Variants in LUZP2 observed in about 807,000 individuals in gnomAD.
The protein encoded by LUZP2 is leucine zipper protein 2.
Under a neutral mutation model 51.6 loss-of-function variants are expected in LUZP2, and 52 were observed. The ratio of observed to expected loss-of-function variants is 1.01; its 90% confidence interval spans 0.81 to 1.27. The LOEUF (loss-of-function observed/expected upper bound fraction) is 1.27. Among genes scored for constraint, LUZP2 ranks in the 50% most tolerant of loss-of-function variants. The pLI, the probability that LUZP2 is intolerant of heterozygous loss-of-function variation, is 0.00. For missense variants in LUZP2, 436 were observed against 395.4 expected (o/e 1.10, Z -0.87); for synonymous variants, 154 against 137.3 (o/e 1.12, Z -0.85).
rs1859390612 is a variant in LUZP2, at chr11:25,078,673, T to G, written c.*15T>G. On this transcript the variant is annotated 3_prime_UTR_variant, in exon 12 of 12. Coordinates refer to ENST00000336930, the MANE Select transcript of LUZP2 (RefSeq NM_001009909.4). ...AAATACTGTAAATACTAAGAAACTG[T>G]GTTAAAAACGTCCATTTGCTATTGT... The G allele has an allele frequency of 6.4e-7, 1 of 1,562,404 alleles. No homozygotes were observed. Among genetic ancestry groups the G allele is most frequent in the African/African-American group, 1.4e-5 (1 of 73,060 alleles).
At chr11:24,657,003 A>G (rs1855829138) in intron 1 of LUZP2, among the ~76,000 whole-genome samples, 1 of 152,218 alleles carries the variant, frequency 6.6e-6, no homozygotes, top group Non-Finnish European at 1.5e-5. Flanking sequence ...GGAAACTAAG[A>G]GCTGGAGGGC....
intron 5 of LUZP2, among the ~76,000 whole-genome samples, chr11:24,816,558 A>G (rs1352348619): frequency 6.6e-6 from 1 of 151,952 alleles, no homozygotes; most frequent in Non-Finnish European, 1.5e-5. Flanking sequence ...TATAACCTTG[A>G]CCCAGTCAAA....
At chr11:24,593,942 T>C (rs958296814) in intron 1 of LUZP2, among the ~76,000 whole-genome samples, 1 of 152,170 alleles carries the variant, frequency 6.6e-6, no homozygotes, top group East Asian at 1.9e-4. Flanking sequence ...AAACCATGTA[T>C]TACTTAATCT....
chr11:24,787,647 C>T (rs1034093812), intron 5 of LUZP2, among the ~76,000 whole-genome samples: 1 of 152,196 alleles, frequency 6.6e-6, no homozygotes, highest in East Asian at 1.9e-4. Context: ...ACCTCCAACA[C>T]TCACCTCTAT....
chr11:24,816,700 A>G (rs1292655287), intron 5 of LUZP2, among the ~76,000 whole-genome samples: 1 of 152,160 alleles, frequency 6.6e-6, no homozygotes, highest in Admixed American at 6.6e-5. Flanking sequence ...CATGACAAGC[A>G]CCATGTTAAG....
At chr11:24,602,931 A>G (rs1351982052) in intron 1 of LUZP2, among the ~76,000 whole-genome samples, 1 of 151,828 alleles carries the variant, frequency 6.6e-6, no homozygotes, top group Non-Finnish European at 1.5e-5. Flanking sequence ...CAGAATAACT[A>G]TCTAGGGTAG....
At chr11:24,595,839 C>T (rs1272696501) in intron 1 of LUZP2, among the ~76,000 whole-genome samples, 2 of 135,150 alleles carry the variant, frequency 1.5e-5, no homozygotes, top group Non-Finnish European at 3.5e-5. Flanking sequence ...AAGAAGCTTA[C>T]ATTCAACATA....
chr11:24,512,334 CT>C (rs1411390327), intron 1 of LUZP2, among the ~76,000 whole-genome samples: 30 of 126,840 alleles, frequency 2.4e-4, no homozygotes, highest in Non-Finnish European at 3.5e-5. Context: ...TACTCCAAAC[CT>C]TCATTTTTTT....
chr11:24,566,900 ATGT>A (rs750196973), intron 1 of LUZP2, among the ~76,000 whole-genome samples: 141,488 of 142,260 alleles, frequency 0.99, 70,362 homozygotes, highest in East Asian at 1. Flanking sequence ...ATATTTATAT[ATGT>A]TATATATATA....
intron 1 of LUZP2, among the ~76,000 whole-genome samples, chr11:24,603,982 A>G (rs1454873359): frequency 6.6e-6 from 1 of 151,800 alleles, no homozygotes; most frequent in South Asian, 2.1e-4. Flanking sequence ...AAGATTCAAA[A>G]GATATTATCT....
chr11:24,627,439 G>T (rs951715149), intron 1 of LUZP2, among the ~76,000 whole-genome samples: 39 of 152,188 alleles, frequency 2.6e-4, no homozygotes, highest in Admixed American at 1.1e-3. Context: ...TCTCCCCGGA[G>T]TGGCAAGTCT....
chr11:24,779,195 A>G (rs896266733), intron 5 of LUZP2, among the ~76,000 whole-genome samples: 3 of 152,208 alleles, frequency 2.0e-5, no homozygotes, highest in Admixed American at 6.5e-5. Context: ...AAAATAAAAC[A>G]TTATTTTCTG....
chr11:24,715,544 A>G (rs908200446), intron 1 of LUZP2, among the ~76,000 whole-genome samples: 2 of 152,150 alleles, frequency 1.3e-5, no homozygotes. Flanking sequence ...TTTCACATCT[A>G]CATTGTCATT....
At chr11:24,750,121 G>A (rs1014606832) in intron 4 of LUZP2, among the ~76,000 whole-genome samples, 27 of 152,338 alleles carry the variant, frequency 1.8e-4, no homozygotes, top group South Asian at 4.1e-4. Context: ...TACTCTGGAT[G>A]TTATTCAGAA....
chr11:24,602,267 T>TGTATATATGTGTATATATGCAA (rs1198322910), intron 1 of LUZP2, among the ~76,000 whole-genome samples: 79 of 139,116 alleles, frequency 5.7e-4, no homozygotes, highest in Middle Eastern at 4.1e-3. Context: ...AACATATATG[T>TGTATATATGTGTATATATGCAA]ACATACATAT....
intron 1 of LUZP2, among the ~76,000 whole-genome samples, chr11:24,542,577 C>A (rs929992374): frequency 1.3e-5 from 2 of 150,744 alleles, no homozygotes; most frequent in African/African-American, 4.9e-5. Context: ...GGGGCAGGGA[C>A]AGTGGGGTAG....
intron 1 of LUZP2, among the ~76,000 whole-genome samples, chr11:24,699,676 CAT>C (rs1418269107): frequency 7.0e-6 from 1 of 141,994 alleles, no homozygotes; most frequent in African/African-American, 2.6e-5. Context: ...TACACACACA[CAT>C]ATATACACAG....
intron 9 of LUZP2, among the ~76,000 whole-genome samples, chr11:24,984,464 A>G (rs1739201113): frequency 6.9e-6 from 1 of 144,394 alleles, no homozygotes; most frequent in African/African-American, 2.5e-5. Flanking sequence ...AAATTATTCA[A>G]AACAATGTAT....
chr11:24,581,267 C>T (rs1852843536), intron 1 of LUZP2, among the ~76,000 whole-genome samples: 1 of 149,826 alleles, frequency 6.7e-6, no homozygotes, highest in Admixed American at 6.7e-5. Flanking sequence ...AACAAACAAA[C>T]AACAACAAAG....
Sources: gnomAD v4.1 joint callset for allele counts (sites outside exome capture counted in the v4.1 genomes callset) on GRCh38, gnomAD v4.1.1 for gene constraint, MANE v1.5 for transcripts, NCBI Gene and HGNC (gene_info 2026-07-23, HGNC 2026-07-21) for gene names.